The following FOXP4 variants were observed in gnomAD, a reference collection of about 807,000 sequenced individuals.
The protein encoded by FOXP4 is forkhead box protein P4.
In FOXP4, 25 loss-of-function variants were observed where a neutral mutation model predicts 82.6. That is an observed-to-expected ratio of 0.30 (90% CI 0.22 to 0.42). The LOEUF (loss-of-function observed/expected upper bound fraction) is 0.42. FOXP4 is among the 10% of genes least tolerant of loss of function. The pLI is 1.00. For missense variants in FOXP4, 785 were observed against 900.9 expected, an observed-to-expected ratio of 0.87 and a Z score of 1.65; for synonymous variants, 415 against 388.2, an observed-to-expected ratio of 1.07 and a Z score of -0.81.
At chr6:41,562,051 G>A (rs183582464) in intron 1 of FOXP4, among the ~76,000 whole-genome samples, 1 of 152,364 alleles carries the variant, frequency 6.6e-6, no homozygotes, top group Admixed American at 6.5e-5. Flanking sequence ...GGCACCCAGA[G>A]CCTGCTCACC....
At chr6:41,580,784 T>C (rs1312917323) in intron 3 of FOXP4, among the ~76,000 whole-genome samples, 1 of 152,090 alleles carries the variant, frequency 6.6e-6, no homozygotes, top group African/African-American at 2.4e-5. Flanking sequence ...GTGCAGTGGA[T>C]AATGAAGGGA....
chr6:41,593,444 C>A lies in FOXP4; in HGVS notation c.1537-1426C>A, dbSNP rs2127402688. Among the ~76,000 whole-genome samples the A allele has an allele frequency of 1.3e-5, 2 of 152,278 alleles. No homozygotes were observed. The highest frequency in any genetic ancestry group is 2.1e-4 in the South Asian group (1 of 4,826). On this transcript the variant is annotated intron_variant, in intron 13 of 16. Coordinates refer to ENST00000307972, the MANE Select transcript of FOXP4 (RefSeq NM_001012426.2). The surrounding 1 kb of genome is among the most constrained non-coding windows in gnomAD (Gnocchi z 4.1). ...CCCAAGGCCCGTGTTGTGGGCCCGT[C>A]CTTTTGTTTACGAAGCCCCTGCCAG... is the stretch of plus-strand genomic sequence containing the variant.
At chr6:41,570,584 C>T (rs1765146079) in intron 2 of FOXP4, among the ~76,000 whole-genome samples, 1 of 152,204 alleles carries the variant, frequency 6.6e-6, no homozygotes, top group Middle Eastern at 3.4e-3. Context: ...ATCTGCAGAC[C>T]CCTGCTTTCT....
In FOXP4 at chr6:41,601,326, T is replaced by C. The variant is rs1581804503; in HGVS notation, c.*2390T>C. ...TAAGCCAAAGATGGCCCCTGACACC[T>C]CCCCCAGCCCCAGCACACCAGCCTG... On this transcript the variant is annotated 3_prime_UTR_variant, in exon 17 of 17. Coordinates refer to ENST00000307972, the MANE Select transcript of FOXP4 (RefSeq NM_001012426.2). 1 of 152,610 alleles carries C rather than the reference T, an allele frequency of 6.6e-6. No individual in the cohort carries two copies. The highest frequency in any genetic ancestry group is 2.1e-4 in the South Asian group (1 of 4,818). 9.5% of individuals were successfully genotyped at this position (152,610 alleles called of 1,614,324 possible). A position where few individuals can be genotyped will look rare whatever the true frequency, so the allele number is the denominator to read the frequency against.
intron 4 of FOXP4, 93 bp from the exon 5 acceptor site, chr6:41,585,338 C>T: frequency 2.3e-6 from 3 of 1,299,530 alleles, no homozygotes; most frequent in Admixed American, 2.3e-5. Context: ...AGGGAAACTC[C>T]CTTCTCCTGC....
intron 1 of FOXP4, 102 bp from the exon 2 acceptor site, chr6:41,565,643 C>T: frequency 9.3e-7 from 1 of 1,074,028 alleles, no homozygotes; most frequent in Admixed American, 2.3e-5. Context: ...AGTAGATGCC[C>T]AGCTACTCCT....
intron 2 of FOXP4, among the ~76,000 whole-genome samples, 193 bp downstream of exon 2, chr6:41,566,157 A>G (rs997722481): frequency 6.6e-6 from 1 of 152,206 alleles, no homozygotes; most frequent in Non-Finnish European, 1.5e-5. Flanking sequence ...AGGCTACCAC[A>G]GCATTTTCAA....
chr6:41,583,951 C>T (rs1236326228), intron 3 of FOXP4, among the ~76,000 whole-genome samples: 1 of 152,196 alleles, frequency 6.6e-6, no homozygotes, highest in Non-Finnish European at 1.5e-5. Flanking sequence ...TCATCTCTTA[C>T]AGCATAGTCT....
chr6:41,559,275 C>A (rs987061067), intron 1 of FOXP4, among the ~76,000 whole-genome samples: 2 of 152,220 alleles, frequency 1.3e-5, no homozygotes, highest in African/African-American at 4.8e-5. Context: ...TTCATGGGAA[C>A]ATAAGCTTCA....
Position 41,578,027 on chromosome 6 carries a change from A to G in FOXP4, c.246A>G (p.Ser82=), listed in dbSNP as rs770058704. The change falls in exon 3 of 17, where the codon TCA becomes TCG. Residue 82 remains serine (S), a synonymous_variant. Coordinates refer to ENST00000307972, the MANE Select transcript of FOXP4 (RefSeq NM_001012426.2). ...GGCAGTTCCTGCTGCAGCAGGCCTC[A>G]GGCCTGAGCTCCCCAGGGAACAATG... ...VARQFLLQQA[S]GLSSPGNNDS... is the part of the protein sequence containing the mutation. 3 of 1,613,240 alleles carry G rather than the reference A, an allele frequency of 1.9e-6. No individual in the cohort carries two copies. The highest frequency in any genetic ancestry group is 2.7e-5 in the African/African-American group (2 of 74,908).
At position 41,562,662 on chromosome 6, in the gene FOXP4, T is replaced by C. The variant is rs74370874; in HGVS notation, c.-16-3083T>C. Among the ~76,000 whole-genome samples the C allele has an allele frequency of 6.0e-3, 913 of 152,270 alleles. 4 individuals are homozygous for C. The highest frequency in any genetic ancestry group is 9.8e-3 in the Non-Finnish European group (669 of 68,020). On this transcript the variant is annotated intron_variant, in intron 1 of 16. Transcript: ENST00000307972. The stretch of plus-strand genomic sequence containing the variant: ...AGTAACTGCCAGATTCTCTTTCCTT[T>C]CTCCTTTGCATGCATACACCCCTGA...
chr6:41,568,931 C>A (rs1765030583), intron 2 of FOXP4, among the ~76,000 whole-genome samples: 1 of 152,178 alleles, frequency 6.6e-6, no homozygotes, highest in South Asian at 2.1e-4. Flanking sequence ...TGTTTCCATG[C>A]AACGAGCAGG....
At chr6:41,573,916 G>A (rs941564881) in intron 2 of FOXP4, among the ~76,000 whole-genome samples, 3 of 152,092 alleles carry the variant, frequency 2.0e-5, no homozygotes, top group African/African-American at 7.2e-5. Flanking sequence ...CCACAGAGCT[G>A]GACATTTGGT....
chr6:41,546,859 G>C lies in FOXP4; in HGVS notation c.-25G>C, dbSNP rs1763652331. 6.7e-6 allele frequency: 1 copy of C among 150,176 alleles called. No individual in the cohort carries two copies. The highest frequency in any genetic ancestry group is 1.5e-5 in the Non-Finnish European group (1 of 67,414). The allele number at this position is 150,176 out of a possible 1,614,324, so 9.3% of individuals were successfully genotyped here. ...GCCGGAGCCCGCACGGAGCGGCCGG[G>C]CGGGACAGGTAGGTGGCGGGTCGGG... On this transcript the variant is annotated 5_prime_UTR_variant, in exon 1 of 17. Transcript: ENST00000307972.
At chr6:41,575,941 G>C (rs936641570) in intron 2 of FOXP4, among the ~76,000 whole-genome samples, 1 of 151,908 alleles carries the variant, frequency 6.6e-6, no homozygotes, top group African/African-American at 2.4e-5. Context: ...ACCTTTGGAG[G>C]ACAAAGAGCA....
chr6:41,563,521 G>A (rs1015550342), intron 1 of FOXP4, among the ~76,000 whole-genome samples: 5 of 152,156 alleles, frequency 3.3e-5, no homozygotes, highest in Admixed American at 2.0e-4. Flanking sequence ...AAAAGAGATC[G>A]AATTGGGAGG....
Position 41,587,352 on chromosome 6 carries a change from G to A in FOXP4, c.712G>A (p.Gly238Arg), listed in dbSNP as rs201392271. ...PQLWKGEGAP[G>R]QPAEDSVKQE... is the part of the protein sequence containing the mutation. ...GCTGTGGAAGGGCGAGGGTGCCCCC[G>A]GGCAGCCTGCCGAGGACAGCGTCAA... Residue 238 changes from glycine to arginine, a missense_variant, in exon 7 of 17, where the codon GGG becomes AGG. This residue lies in a region of FOXP4 where 570 missense variants were observed against 634.0 expected (regional missense o/e 0.90). Coordinates refer to ENST00000307972, the MANE Select transcript of FOXP4 (RefSeq NM_001012426.2). The A allele has an allele frequency of 5.6e-5, 90 of 1,610,460 alleles. No individual in the cohort carries two copies. The Admixed American group carries it at 7.7e-4, about 14-fold the overall frequency.
At chr6:41,571,827 C>G (rs936448637) in intron 2 of FOXP4, among the ~76,000 whole-genome samples, 17 of 152,086 alleles carry the variant, frequency 1.1e-4, no homozygotes, top group Non-Finnish European at 1.8e-4. Context: ...TTTCCTCCCC[C>G]CAGGTCAGTT....
rs535651366 is a variant in FOXP4 at position 41,584,679 on chromosome 6, C to T, written c.301-90C>T. 9,060 of 1,422,498 alleles carry T rather than the reference C, an allele frequency of 6.4e-3. 51 individuals carry two copies. Among genetic ancestry groups the T allele is most frequent in the South Asian group, 8.7e-3 (597 of 68,334 alleles). 88.1% of individuals were successfully genotyped at this position (1,422,498 alleles called of 1,614,324 possible). A position where few individuals can be genotyped will look rare whatever the true frequency, so the allele number is the denominator to read the frequency against. ...GGAACCCAGGCAGCCTCCCTGGGAG[C>T]CACTCTGCCACGCTGAGAGTGGGGC... On this transcript the variant is annotated intron_variant, in intron 3 of 16. Transcript: ENST00000307972.
Sources: allele counts gnomAD v4.1 joint callset (sites outside exome capture counted in the v4.1 genomes callset), GRCh38; gene constraint gnomAD v4.1.1; regional missense constraint gnomAD v4.1.1; non-coding constraint Gnocchi (gnomAD v3.1); transcripts MANE v1.5; gene names NCBI Gene and HGNC (gene_info 2026-07-23, HGNC 2026-07-21).